The following PIP4P2 variants were observed in gnomAD, a reference collection of about 807,000 sequenced individuals.
PIP4P2 encodes type 2 phosphatidylinositol 4,5-bisphosphate 4-phosphatase.
PIP4P2 carries 19 observed loss-of-function variants against 33.3 expected under a neutral mutation model. The observed-to-expected ratio is 0.57, with a 90% confidence interval of 0.40 to 0.84. PIP4P2 has a LOEUF of 0.84. Among genes scored for constraint, PIP4P2 ranks in the 40% least tolerant of loss-of-function variants. PIP4P2 has a pLI of 0.00. For missense variants in PIP4P2, 270 were observed against 324.7 expected (o/e 0.83, Z 1.29); for synonymous variants, 110 against 111.9 (o/e 0.98, Z 0.11).
At chr8:91,020,284 C>T (rs774306329) in intron 2 of PIP4P2, 21 bp from the exon 3 acceptor site, 2 of 1,606,810 alleles carry the variant, frequency 1.2e-6, no homozygotes, top group Admixed American at 3.3e-5. Context: ...GAAGAAAATG[C>T]AAACACAGCA....
At chr8:91,003,398 A>C (rs1323188858) in intron 5 of PIP4P2, among the ~76,000 whole-genome samples, 1 of 152,240 alleles carries the variant, frequency 6.6e-6, no homozygotes, top group Non-Finnish European at 1.5e-5. Flanking sequence ...AATTGATAGG[A>C]TATTACCATT....
At chr8:91,000,919 A>G (rs1462900419) in intron 5 of PIP4P2, among the ~76,000 whole-genome samples, 1 of 151,956 alleles carries the variant, frequency 6.6e-6, no homozygotes, top group Non-Finnish European at 1.5e-5. Flanking sequence ...TTGTCTCTCT[A>G]TGCTAGATTC....
In PIP4P2 at chr8:90,995,455, A is replaced by G. The variant is rs1303749756; in HGVS notation, c.*222T>C. 2 of 358,524 alleles carry G rather than the reference A, an allele frequency of 5.6e-6. No homozygotes were observed. Among genetic ancestry groups the G allele is most frequent in the Non-Finnish European group, 9.6e-6 (2 of 208,780 alleles). 22.2% of individuals were successfully genotyped at this position (358,524 alleles called of 1,614,324 possible). A position where few individuals can be genotyped will look rare whatever the true frequency, so the allele number is the denominator to read the frequency against. On this transcript the variant is annotated 3_prime_UTR_variant, in exon 7 of 7. Coordinates refer to ENST00000285419, the MANE Select transcript of PIP4P2 (RefSeq NM_018710.3). Reference sequence around the variant, plus strand: ...ATATCTATAAGAGATGTAAAAGAACATGAAAAGGCTTTATTATTCAAATTT... The same window carrying G: ...ATATCTATAAGAGATGTAAAAGAACGTGAAAAGGCTTTATTATTCAAATTT...
chr8:90,999,068 G>C (rs1184946578), intron 5 of PIP4P2, among the ~76,000 whole-genome samples: 1 of 149,072 alleles, frequency 6.7e-6, no homozygotes, highest in African/African-American at 2.5e-5. Context: ...ACTTAAACAA[G>C]AAAAAAAAAC....
rs2130386011 is a variant in PIP4P2 at position 91,037,767 on chromosome 8, T to C, written c.106+2877A>G. On this transcript the variant is annotated intron_variant, in intron 1 of 6. Coordinates refer to ENST00000285419, the MANE Select transcript of PIP4P2 (RefSeq NM_018710.3). ...TCCCATTTCCATATTGAATACATAA[T>C]GAGACAACCCCAGATATAAACAATT... Among the ~76,000 whole-genome samples the C allele has an allele frequency of 1.3e-5, 2 of 152,292 alleles. 1 individual carries two copies. The highest frequency in any genetic ancestry group is 4.1e-4 in the South Asian group (2 of 4,826).
chr8:91,003,244 G>A (rs1246385057), intron 5 of PIP4P2, among the ~76,000 whole-genome samples: 1 of 152,146 alleles, frequency 6.6e-6, no homozygotes, highest in Non-Finnish European at 1.5e-5. Context: ...TACCACTCTA[G>A]TAAATGAATA....
At chr8:91,014,221 G>C (rs1422935284) in intron 4 of PIP4P2, among the ~76,000 whole-genome samples, 1 of 152,070 alleles carries the variant, frequency 6.6e-6, no homozygotes, top group Admixed American at 6.6e-5. Context: ...GCTTCACACT[G>C]AAAGACCCAG....
intron 1 of PIP4P2, among the ~76,000 whole-genome samples, chr8:91,033,468 T>C (rs1184296395): frequency 6.6e-6 from 1 of 152,226 alleles, no homozygotes; most frequent in African/African-American, 2.4e-5. Flanking sequence ...TCAGTGCTTC[T>C]GTCACCTGTA....
chr8:91,029,168 G>A (rs1812123343), intron 1 of PIP4P2, among the ~76,000 whole-genome samples: 1 of 151,970 alleles, frequency 6.6e-6, no homozygotes, highest in South Asian at 2.1e-4. Context: ...GTGCACACCT[G>A]CAATCCTAGC....
chr8:91,027,123 A>T (rs949966710), intron 1 of PIP4P2, among the ~76,000 whole-genome samples: 3 of 152,230 alleles, frequency 2.0e-5, no homozygotes, highest in Non-Finnish European at 4.4e-5. Flanking sequence ...AGAAATATTA[A>T]TTGTGCAAAT....
intron 4 of PIP4P2, among the ~76,000 whole-genome samples, chr8:91,012,249 AT>A (rs1014214646): frequency 1.2e-4 from 18 of 151,274 alleles, no homozygotes; most frequent in African/African-American, 1.9e-4. Flanking sequence ...ATTTTTCCTG[AT>A]TTTTTTTCAC....
intron 1 of PIP4P2, among the ~76,000 whole-genome samples, chr8:91,031,629 T>A (rs1436351339): frequency 6.6e-6 from 1 of 152,154 alleles, no homozygotes; most frequent in Admixed American, 6.6e-5. Context: ...AATGCCCTAA[T>A]CAATCATGCA....
At chr8:91,018,339 T>C in intron 4 of PIP4P2, 51 bp downstream of exon 4, 1 of 1,612,516 alleles carries the variant, frequency 6.2e-7, no homozygotes, top group Non-Finnish European at 8.5e-7. Context: ...CTCTAATCTG[T>C]AAGATCATGA....
chr8:91,039,087 T>C (rs1439848287), intron 1 of PIP4P2, among the ~76,000 whole-genome samples: 3 of 152,226 alleles, frequency 2.0e-5, no homozygotes, highest in Non-Finnish European at 2.9e-5. Flanking sequence ...AAATAGGTTA[T>C]AGGACAAATA....
rs35380947 is a variant in PIP4P2 at position 91,038,043 on chromosome 8, C to T, written c.106+2601G>A. Among the ~76,000 whole-genome samples the T allele has an allele frequency of 1.5e-3, 225 of 152,206 alleles. 1 individual carries two copies. The highest frequency in any genetic ancestry group is 2.3e-3 in the Non-Finnish European group (158 of 67,998). On this transcript the variant is annotated intron_variant, in intron 1 of 6. Coordinates refer to ENST00000285419, the MANE Select transcript of PIP4P2 (RefSeq NM_018710.3). ...AGAAGCAATTTCCTATGCATGAATC[C>T]AATACTGACAGTAGAGAACACTAGA...
chr8:91,040,581 C>T, intron 1 of PIP4P2, 63 bp downstream of exon 1: 1 of 1,580,188 alleles, frequency 6.3e-7, no homozygotes, highest in East Asian at 2.2e-5. Flanking sequence ...GGTCTTTATC[C>T]TTCTGGGCGT....
chr8:91,032,192 A>G (rs1358764038), intron 1 of PIP4P2, among the ~76,000 whole-genome samples: 1 of 152,160 alleles, frequency 6.6e-6, no homozygotes, highest in Non-Finnish European at 1.5e-5. Flanking sequence ...TACTTGCACA[A>G]TGCACCTGAA....
At chr8:91,009,293 A>C (rs1039279023) in intron 4 of PIP4P2, among the ~76,000 whole-genome samples, 4 of 152,064 alleles carry the variant, frequency 2.6e-5, no homozygotes, top group Non-Finnish European at 4.4e-5. Flanking sequence ...TGCTTATACA[A>C]TATAACAAAA....
In PIP4P2 at chr8:91,040,772, G is replaced by A; in HGVS notation, c.-23C>T. ...CATGACTGCGGCAGCGGCGGGGCCT[G>A]GGGAGGCCGAGCCGGGGTTGCGGCC... On this transcript the variant is annotated 5_prime_UTR_variant, in exon 1 of 7. Coordinates refer to ENST00000285419, the MANE Select transcript of PIP4P2 (RefSeq NM_018710.3). 1 of 1,608,078 alleles carries A rather than the reference G, an allele frequency of 6.2e-7. No individual in the cohort carries two copies.
Sources: allele counts gnomAD v4.1 joint callset (sites outside exome capture counted in the v4.1 genomes callset), GRCh38; gene constraint gnomAD v4.1.1; transcripts MANE v1.5; gene names NCBI Gene and HGNC (gene_info 2026-07-23, HGNC 2026-07-21).